The following MTHFD1L variants were observed in gnomAD, a reference collection of about 807,000 sequenced individuals.
The protein encoded by MTHFD1L is methylenetetrahydrofolate dehydrogenase (NADP+ dependent) 1 like, also known as monofunctional C1-tetrahydrofolate synthase, mitochondrial.
In MTHFD1L, 81 loss-of-function variants were observed where a neutral mutation model predicts 119.5. The ratio of observed to expected loss-of-function variants is 0.68; its 90% CI spans 0.57 to 0.82. The LOEUF (loss-of-function observed/expected upper bound fraction) is 0.82, where lower values mean the gene tolerates loss of function less well. Among genes scored for constraint, MTHFD1L ranks in the 40% least tolerant of loss-of-function variants. The probability of loss-of-function intolerance (pLI) is 0.00; values close to 1 mark genes in which losing one functional copy is unlikely to be tolerated. For missense variants in MTHFD1L, 1,125 were observed against 1,253.4 expected (o/e 0.90, Z 1.55); for synonymous variants, 430 against 475.2 (o/e 0.90, Z 1.24).
intron 20 of MTHFD1L, 124 bp from the exon 21 acceptor site, chr6:151,009,695 A>C: frequency 9.1e-7 from 1 of 1,103,476 alleles, no homozygotes; most frequent in Non-Finnish European, 1.3e-6. Context: ...AAATCAGTTC[A>C]CCTTTGTGTT....
At chr6:151,085,678 G>A (rs576195667) in intron 26 of MTHFD1L, among the ~76,000 whole-genome samples, 1 of 152,264 alleles carries the variant, frequency 6.6e-6, no homozygotes, top group Non-Finnish European at 1.5e-5. Context: ...GGCTGAAGCA[G>A]GAGAATCACT....
chr6:151,069,102 C>G (rs534701935), intron 26 of MTHFD1L, among the ~76,000 whole-genome samples: 8 of 152,190 alleles, frequency 5.3e-5, no homozygotes, highest in South Asian at 4.2e-4. Context: ...GGATCCTGGG[C>G]AAGGCAGGTC....
intron 24 of MTHFD1L, among the ~76,000 whole-genome samples, chr6:151,024,233 G>T (rs1784336887): frequency 6.6e-6 from 1 of 152,150 alleles, no homozygotes; most frequent in Non-Finnish European, 1.5e-5. Context: ...GGAACGAGCA[G>T]ATGCATCATG....
chr6:150,991,277 A>G (rs1005045975), intron 20 of MTHFD1L, among the ~76,000 whole-genome samples: 1 of 152,066 alleles, frequency 6.6e-6, no homozygotes, highest in African/African-American at 2.4e-5. Context: ...AAAAAAAATT[A>G]TTGTTGGTAT....
At chr6:151,029,918 CTT>C (rs1165129825) in intron 24 of MTHFD1L, among the ~76,000 whole-genome samples, 1 of 152,162 alleles carries the variant, frequency 6.6e-6, no homozygotes, top group Non-Finnish European at 1.5e-5. Flanking sequence ...AAATCACACT[CTT>C]TATTTTTGAA....
intron 1 of MTHFD1L, 129 bp downstream of exon 1, chr6:150,866,178 G>T: frequency 7.3e-7 from 1 of 1,366,276 alleles, no homozygotes; most frequent in Non-Finnish European, 9.6e-7. Context: ...CTCATTAGGG[G>T]GGCCGGGCGG....
At chr6:151,030,618 G>T (rs867057927) in intron 24 of MTHFD1L, among the ~76,000 whole-genome samples, 6 of 152,346 alleles carry the variant, frequency 3.9e-5, no homozygotes, top group Middle Eastern at 3.4e-3. Flanking sequence ...CATGATCTAA[G>T]ATTCATGGAA....
At chr6:150,866,543 A>G in intron 1 of MTHFD1L, 1 of 1,271,832 alleles carries the variant, frequency 7.9e-7, no homozygotes, top group South Asian at 2.7e-5. Context: ...GCCCGCGCGA[A>G]GCTCCCTGGT....
chr6:151,015,777 A>G (rs950114622), intron 24 of MTHFD1L, 84 bp downstream of exon 24: 3 of 1,480,332 alleles, frequency 2.0e-6, no homozygotes, highest in Admixed American at 4.5e-5. Flanking sequence ...AACCCTACAG[A>G]TAAGAAAACT....
chr6:150,866,571 G>C, intron 1 of MTHFD1L: 1 of 1,228,244 alleles, frequency 8.1e-7, no homozygotes. Context: ...GCCCTTCCCC[G>C]CGCGCGGCCC....
intron 16 of MTHFD1L, among the ~76,000 whole-genome samples, chr6:150,955,790 G>A (rs1795553085): frequency 6.6e-6 from 1 of 152,132 alleles, no homozygotes. Flanking sequence ...GTGAGCCACT[G>A]TGCTTGGCCT....
chr6:150,916,060 A>G (rs1254699143), intron 8 of MTHFD1L, among the ~76,000 whole-genome samples: 1 of 152,188 alleles, frequency 6.6e-6, no homozygotes, highest in Non-Finnish European at 1.5e-5. Context: ...TGATTCATAA[A>G]GCTGAAGTGT....
chr6:150,984,599 A>G (rs1778002276), intron 20 of MTHFD1L, among the ~76,000 whole-genome samples: 1 of 152,040 alleles, frequency 6.6e-6, no homozygotes, highest in South Asian at 2.1e-4. Context: ...AAGATAAATA[A>G]AGTAAAAGTA....
chr6:150,917,808 C>G (rs1433350927), intron 8 of MTHFD1L, among the ~76,000 whole-genome samples: 1 of 152,196 alleles, frequency 6.6e-6, no homozygotes, highest in Non-Finnish European at 1.5e-5. Flanking sequence ...GCAAGTCTGA[C>G]TCTGAATTCT....
Position 150,938,728 on chromosome 6 carries a change from G to A in MTHFD1L, c.1423G>A (p.Val475Ile), listed in dbSNP as rs1417192386. ...AGCCGCGGGTGGTGGATATGCCCAGGTCATCCCCATGGAGGAGGTAAGACC... is the reference window on the plus strand; with the variant it reads ...AGCCGCGGGTGGTGGATATGCCCAGATCATCCCCATGGAGGAGGTAAGACC... The part of the protein sequence containing the change: ...GGAAGGGYAQ[V>I]IPMEEFNLHL... The change falls in exon 13 of 28, where the codon GTC becomes ATC. Residue 475 changes from valine to isoleucine, a missense_variant. Physicochemically the swap from Val to Ile is conservative, Grantham distance 29 (BLOSUM62 3). This residue lies in a region of MTHFD1L where 1,058 missense variants were observed against 1,151.2 expected (regional missense o/e 0.92). Transcript: ENST00000367321. 6.2e-7 allele frequency: 1 copy of A among 1,610,558 alleles called. No individual in the cohort carries two copies. Among genetic ancestry groups the A allele is most frequent in the Admixed American group, 1.7e-5 (1 of 59,516 alleles).
intron 20 of MTHFD1L, among the ~76,000 whole-genome samples, chr6:150,979,513 T>C (rs1777120611): frequency 6.6e-6 from 1 of 152,130 alleles, no homozygotes; most frequent in Non-Finnish European, 1.5e-5. Flanking sequence ...TTTATTTTCC[T>C]TTTTTGAGAC....
intron 26 of MTHFD1L, among the ~76,000 whole-genome samples, chr6:151,063,493 A>T (rs548191235): frequency 3.2e-4 from 48 of 152,326 alleles, no homozygotes; most frequent in African/African-American, 1.1e-3. Context: ...CACAGGGAAA[A>T]GGCTGAATAT....
At chr6:150,909,414 T>G (rs1025748112) in intron 8 of MTHFD1L, among the ~76,000 whole-genome samples, 5 of 152,032 alleles carry the variant, frequency 3.3e-5, no homozygotes, top group African/African-American at 9.7e-5. Flanking sequence ...AACAATTTTT[T>G]TTGTTGTTGT....
At chr6:151,023,643 GA>G (rs903183067) in intron 24 of MTHFD1L, among the ~76,000 whole-genome samples, 10 of 151,982 alleles carry the variant, frequency 6.6e-5, no homozygotes, top group African/African-American at 2.2e-4. Flanking sequence ...CACCCAATGA[GA>G]AAAAAACAGT....
Sources: gnomAD v4.1 joint callset for allele counts (sites outside exome capture counted in the v4.1 genomes callset) on GRCh38, gnomAD v4.1.1 for gene constraint, gnomAD v4.1.1 regional missense constraint, MANE v1.5 for transcripts, NCBI Gene and HGNC (gene_info 2026-07-23, HGNC 2026-07-21) for gene names.